Variants in KPNA1 observed in about 807,000 individuals in gnomAD.
The protein encoded by KPNA1 is importin subunit alpha-5.
Under a neutral mutation model 70.5 loss-of-function variants are expected in KPNA1, and 10 were observed. That is an observed-to-expected ratio of 0.14 (90% CI 0.09 to 0.24). The LOEUF (loss-of-function observed/expected upper bound fraction) is 0.24. Ranked by LOEUF, KPNA1 falls within the 10% of genes least tolerant of loss-of-function variation. The probability of loss-of-function intolerance (pLI) is 1.00; values close to 1 mark genes in which losing one functional copy is unlikely to be tolerated. For synonymous variants in KPNA1, 192 were observed against 221.9 expected (o/e 0.87, Z 1.20); for missense variants, 397 against 637.9 (o/e 0.62, Z 4.07).
At chr3:122,436,513 T>G (rs182576264) in intron 11 of KPNA1, among the ~76,000 whole-genome samples, 4 of 152,338 alleles carry the variant, frequency 2.6e-5, no homozygotes, top group African/African-American at 4.8e-5. Flanking sequence ...AAATTTCTCT[T>G]GTACTCTTTC....
intron 12 of KPNA1, among the ~76,000 whole-genome samples, chr3:122,432,081 C>T (rs1199920157): frequency 2.0e-5 from 3 of 152,166 alleles, no homozygotes; most frequent in Non-Finnish European, 4.4e-5. Context: ...GGATTACAGA[C>T]ATGAGCCGCT....
chr3:122,431,189 TCTCA>T (rs2075901122), intron 12 of KPNA1, among the ~76,000 whole-genome samples: 1 of 152,346 alleles, frequency 6.6e-6, no homozygotes, highest in East Asian at 1.9e-4. Flanking sequence ...AGACAGAGTC[TCTCA>T]CTCTGTCTCC....
intron 2 of KPNA1, among the ~76,000 whole-genome samples, chr3:122,478,346 G>A (rs918283082): frequency 2.6e-5 from 4 of 152,030 alleles, no homozygotes; most frequent in South Asian, 2.1e-4. Context: ...ACTAGGCCAC[G>A]CGCATTGGCT....
intron 1 of KPNA1, among the ~76,000 whole-genome samples, chr3:122,508,401 G>T (rs1024053485): frequency 6.6e-6 from 1 of 152,162 alleles, no homozygotes; most frequent in Non-Finnish European, 1.5e-5. Flanking sequence ...CTCAAAATCA[G>T]AAGGTTTGTT....
chr3:122,511,618 C>T (rs534427790), intron 1 of KPNA1, among the ~76,000 whole-genome samples: 2 of 152,362 alleles, frequency 1.3e-5, no homozygotes, highest in African/African-American at 4.8e-5. Flanking sequence ...GGCCTCAGGC[C>T]ATCTCCTGCT....
intron 10 of KPNA1, among the ~76,000 whole-genome samples, chr3:122,439,351 C>T (rs548193852): frequency 1.3e-5 from 2 of 152,016 alleles, no homozygotes; most frequent in South Asian, 4.2e-4. Context: ...TCATGCTCAG[C>T]TAATTAAAAA....
intron 2 of KPNA1, among the ~76,000 whole-genome samples, chr3:122,486,817 G>C (rs1356434061): frequency 1.3e-5 from 2 of 152,042 alleles, no homozygotes; most frequent in Non-Finnish European, 2.9e-5. Context: ...TTGATCTCCT[G>C]ACCTCGTGAT....
intron 12 of KPNA1, 52 bp downstream of exon 12, chr3:122,433,609 C>A: frequency 1.3e-6 from 2 of 1,484,508 alleles, no homozygotes; most frequent in Non-Finnish European, 1.8e-6. Flanking sequence ...AAGTGATAGA[C>A]ACAATAATAA....
chr3:122,491,850 ATTTTTTTTTTTTTTTT>A (rs67916227), intron 2 of KPNA1, among the ~76,000 whole-genome samples: 31 of 64,902 alleles, frequency 4.8e-4, no homozygotes, highest in African/African-American at 1.6e-3. Context: ...TGACCATCAC[ATTTTTTTTTTTTTTTT>A]TTTTTTTTTT....
intron 5 of KPNA1, chr3:122,459,898 T>C (rs1403234404): frequency 3.0e-6 from 3 of 985,236 alleles, no homozygotes; most frequent in Non-Finnish European, 3.6e-6. Context: ...TCAAGTTGTA[T>C]GAATAATCTA....
chr3:122,455,363 G>T (rs1435518779), intron 5 of KPNA1, among the ~76,000 whole-genome samples: 1 of 152,136 alleles, frequency 6.6e-6, no homozygotes, highest in Admixed American at 6.5e-5. Flanking sequence ...GAGTACTTCG[G>T]TTAAAGAGCC....
intron 5 of KPNA1, 112 bp from the exon 6 acceptor site, chr3:122,454,113 C>T: frequency 1.5e-6 from 1 of 679,760 alleles, no homozygotes; most frequent in South Asian, 2.3e-5. Context: ...ATTATTTGCA[C>T]ATAACCTATC....
At chr3:122,454,042 T>TA in intron 5 of KPNA1, 41 bp from the exon 6 acceptor site, 1 of 1,418,402 alleles carries the variant, frequency 7.1e-7, no homozygotes, top group Non-Finnish European at 9.6e-7. Context: ...TTTTAGAATG[T>TA]AAAAGTTTGT....
chr3:122,491,037 A>G (rs2076692574), intron 2 of KPNA1, among the ~76,000 whole-genome samples: 1 of 152,262 alleles, frequency 6.6e-6, no homozygotes, highest in Non-Finnish European at 1.5e-5. Context: ...AGAGGAAATT[A>G]GTCAAATTAC....
intron 9 of KPNA1, chr3:122,442,842 T>C (rs1253994756): frequency 1.3e-5 from 2 of 152,272 alleles, no homozygotes; most frequent in Admixed American, 6.5e-5. Flanking sequence ...CGTTCCAAGA[T>C]AGCTGAATAG....
In KPNA1 at chr3:122,424,965, G is replaced by C. The variant is rs1206582016; in HGVS notation, c.*2020C>G. ...CCTAATTTATCCCTAAAATTACAAA[G>C]AATCAGTCTTTTACAGGTCAAGTGC... On this transcript the variant is annotated 3_prime_UTR_variant, in exon 14 of 14. Transcript: ENST00000344337. 6.6e-6 allele frequency: 1 copy of C among 152,574 alleles called. No homozygotes were observed. The highest frequency in any genetic ancestry group is 1.5e-5 in the Non-Finnish European group (1 of 68,020). The allele number at this position is 152,574 out of a possible 1,614,324, so 9.5% of individuals were successfully genotyped here.
At chr3:122,436,963 A>C (rs1209256742) in intron 11 of KPNA1, among the ~76,000 whole-genome samples, 2 of 152,128 alleles carry the variant, frequency 1.3e-5, no homozygotes, top group African/African-American at 4.8e-5. Context: ...TATTTTTAGT[A>C]GAGACAAGGT....
chr3:122,443,693 A>G (rs2076096588), intron 9 of KPNA1, among the ~76,000 whole-genome samples: 1 of 152,208 alleles, frequency 6.6e-6, no homozygotes, highest in African/African-American at 2.4e-5. Flanking sequence ...TGATGCTCCC[A>G]AGCCACAAAA....
intron 3 of KPNA1, 192 bp from the exon 4 acceptor site, chr3:122,464,233 A>G (rs144558823): frequency 2.5e-6 from 1 of 394,202 alleles, no homozygotes; most frequent in Non-Finnish European, 4.5e-6. Flanking sequence ...TTCTTTGTCT[A>G]TCATTAAAAA....
Sources: gnomAD v4.1 joint callset for allele counts (sites outside exome capture counted in the v4.1 genomes callset) on GRCh38, gnomAD v4.1.1 for gene constraint, MANE v1.5 for transcripts, NCBI Gene and HGNC (gene_info 2026-07-23, HGNC 2026-07-21) for gene names.